CFAP61: variants seen among roughly 807,000 people sequenced by gnomAD.
CFAP61 encodes the protein cilia and flagella associated protein 61.
In CFAP61, 107 loss-of-function variants were observed where a neutral mutation model predicts 135.6. The observed-to-expected ratio is 0.79, with a 90% CI of 0.67 to 0.93. The LOEUF (loss-of-function observed/expected upper bound fraction) is 0.93. Ranked by LOEUF, CFAP61 falls within the 40% of genes least tolerant of loss-of-function variation. CFAP61 has a pLI of 0.00. For missense variants in CFAP61, 1,507 were observed against 1,556.2 expected, an observed-to-expected ratio of 0.97 and a Z score of 0.53; for synonymous variants, 575 against 578.5, an observed-to-expected ratio of 0.99 and a Z score of 0.09.
intron 8 of CFAP61, among the ~76,000 whole-genome samples, chr20:20,133,189 C>T (rs2050672227): frequency 1.3e-5 from 2 of 152,184 alleles, no homozygotes; most frequent in African/African-American, 2.4e-5. Flanking sequence ...GTCAATAATC[C>T]GTTGCCACAA....
chr20:20,282,474 A>T (rs546550047), intron 22 of CFAP61, among the ~76,000 whole-genome samples: 11 of 152,158 alleles, frequency 7.2e-5, no homozygotes, highest in Non-Finnish European at 1.5e-4. Context: ...TCATATGTTA[A>T]CTTTTAATTA....
chr20:20,222,545 C>T (rs931918432), intron 17 of CFAP61, among the ~76,000 whole-genome samples: 4 of 152,174 alleles, frequency 2.6e-5, no homozygotes, highest in African/African-American at 9.7e-5. Flanking sequence ...GTACCCCCAA[C>T]CGAGAGGAAA....
chr20:20,056,477 A>C, intron 1 of CFAP61, 141 bp from the exon 2 acceptor site: 1 of 617,452 alleles, frequency 1.6e-6, no homozygotes, highest in Non-Finnish European at 2.8e-6. Context: ...TTGCAGTGAC[A>C]GTTGTCACAG....
intron 10 of CFAP61, among the ~76,000 whole-genome samples, chr20:20,163,580 A>G (rs1489028418): frequency 7.4e-6 from 1 of 135,002 alleles, no homozygotes; most frequent in Non-Finnish European, 1.6e-5. Flanking sequence ...TCATGTGAGA[A>G]CTAGTTTTTT....
chr20:20,062,843 C>T (rs2044910740), intron 2 of CFAP61, among the ~76,000 whole-genome samples: 1 of 152,164 alleles, frequency 6.6e-6, no homozygotes, highest in Non-Finnish European at 1.5e-5. Context: ...TCCATAATTA[C>T]ACACGTTAGG....
At chr20:20,204,486 G>C (rs148466709) in intron 17 of CFAP61, among the ~76,000 whole-genome samples, 13 of 152,252 alleles carry the variant, frequency 8.5e-5, no homozygotes, top group Admixed American at 7.8e-4. Flanking sequence ...TCATCTGGCT[G>C]TTCTTCCCAG....
At position 20,209,376 on chromosome 20, in the gene CFAP61, T is replaced by C. The variant is rs1388731726; in HGVS notation, c.1932+9474T>C. ...GGTATTGCTCAGTCAAAGGTAAAGT[T>C]ACTATCTCTTTAATCAAAAAGCATA... is the stretch of plus-strand genomic sequence containing the variant. On this transcript the variant is annotated intron_variant, in intron 17 of 26. Coordinates refer to ENST00000245957, the MANE Select transcript of CFAP61 (RefSeq NM_015585.4). Among the ~76,000 whole-genome samples the C allele has an allele frequency of 2.6e-5, 4 of 152,224 alleles. No homozygotes were observed. In the East Asian group the frequency reaches 7.7e-4, roughly 29 times the overall value.
At chr20:20,068,790 G>A (rs2045499864) in intron 2 of CFAP61, among the ~76,000 whole-genome samples, 1 of 152,128 alleles carries the variant, frequency 6.6e-6, no homozygotes, top group Admixed American at 6.5e-5. Flanking sequence ...TTGTTGCCAG[G>A]CTGCAGTGCA....
At chr20:20,118,294 TTTCTTTC>T (rs772138351) in intron 8 of CFAP61, among the ~76,000 whole-genome samples, 1,292 of 120,838 alleles carry the variant, frequency 0.011, 2 homozygotes, top group Middle Eastern at 0.02. Context: ...TCTTTCTTTC[TTTCTTTC>T]TTTCTTTTCT....
At chr20:20,101,009 T>C (rs538642793) in intron 8 of CFAP61, among the ~76,000 whole-genome samples, 18 of 152,238 alleles carry the variant, frequency 1.2e-4, no homozygotes, top group Non-Finnish European at 1.9e-4. Context: ...ACAAAGATGA[T>C]TCCTTATGAA....
intron 19 of CFAP61, among the ~76,000 whole-genome samples, chr20:20,247,443 C>G (rs576534339): frequency 6.6e-6 from 1 of 152,358 alleles, no homozygotes; most frequent in African/African-American, 2.4e-5. Flanking sequence ...TCCACAGTCT[C>G]AGCACAGCAG....
intron 3 of CFAP61, among the ~76,000 whole-genome samples, chr20:20,071,636 C>T (rs1287833943): frequency 6.6e-6 from 1 of 152,156 alleles, no homozygotes; most frequent in Admixed American, 6.5e-5. Context: ...TGGGCAGCAC[C>T]CTGGCCTTGT....
intron 18 of CFAP61, among the ~76,000 whole-genome samples, chr20:20,244,106 G>A (rs2050239666): frequency 6.6e-6 from 1 of 152,182 alleles, no homozygotes; most frequent in African/African-American, 2.4e-5. Context: ...CTCCCTCCTG[G>A]CTGTTTTCAT....
intron 21 of CFAP61, among the ~76,000 whole-genome samples, chr20:20,274,552 T>G (rs1455997032): frequency 1.3e-5 from 2 of 152,074 alleles, no homozygotes; most frequent in African/African-American, 4.8e-5. Flanking sequence ...TTCCAGCTAC[T>G]CAGGAGGCTG....
intron 25 of CFAP61, among the ~76,000 whole-genome samples, chr20:20,309,405 G>A (rs1360191530): frequency 6.6e-6 from 1 of 152,090 alleles, no homozygotes; most frequent in Non-Finnish European, 1.5e-5. Flanking sequence ...CTAGAAATAA[G>A]ACCTGCAGCA....
intron 8 of CFAP61, among the ~76,000 whole-genome samples, chr20:20,112,423 A>G (rs1469216655): frequency 1.3e-5 from 2 of 152,112 alleles, no homozygotes; most frequent in Non-Finnish European, 2.9e-5. Flanking sequence ...ATGCATTTCA[A>G]CATATCTAAT....
chr20:20,291,707 C>G (rs889792757), intron 24 of CFAP61, among the ~76,000 whole-genome samples: 1 of 152,196 alleles, frequency 6.6e-6, no homozygotes, highest in African/African-American at 2.4e-5. Context: ...TCCTCCCCTC[C>G]AGGAAAAGCA....
rs780632953 is a variant in CFAP61, at chr20:20,166,384, G to C, written c.1206-13G>C. ...TTGCAGGGCACTGACAGTGCTTACTGTCTTGTTTACAGGTCGCTGGATTTT... is the reference window on the plus strand; with the variant it reads ...TTGCAGGGCACTGACAGTGCTTACTCTCTTGTTTACAGGTCGCTGGATTTT... On this transcript the variant is annotated splice_polypyrimidine_tract_variant and intron_variant, in intron 11 of 26. Coordinates refer to ENST00000245957, the MANE Select transcript of CFAP61 (RefSeq NM_015585.4). 15 of 1,612,848 alleles carry C rather than the reference G, an allele frequency of 9.3e-6. No homozygotes were observed. Among genetic ancestry groups the C allele is most frequent in the African/African-American group, 2.7e-5 (2 of 74,910 alleles).
rs146069474 is a variant in CFAP61, at chr20:20,259,348, G to A, written c.2329-3608G>A. ...AGCTCACTGCAACCTTGACCTCCCC[G>A]GCTCAGGTGATTCTCCTACTTCAGC... On this transcript the variant is annotated intron_variant, in intron 20 of 26. Coordinates refer to ENST00000245957, the MANE Select transcript of CFAP61 (RefSeq NM_015585.4). Among the ~76,000 whole-genome samples, 39 of 142,628 alleles carry A rather than the reference G, an allele frequency of 2.7e-4. No individual in the cohort carries two copies. The East Asian group carries it at 8.2e-3, about 30-fold the overall frequency. The allele number at this position is 142,628 out of a possible 152,430, so 93.6% of individuals were successfully genotyped here.
Sources: allele counts gnomAD v4.1 joint callset (sites outside exome capture counted in the v4.1 genomes callset), GRCh38; gene constraint gnomAD v4.1.1; transcripts MANE v1.5; gene names NCBI Gene and HGNC (gene_info 2026-07-23, HGNC 2026-07-21).